SORCS3: variants seen among roughly 807,000 people sequenced by gnomAD.
SORCS3 encodes the protein VPS10 domain-containing receptor SorCS3.
Under a neutral mutation model 146.3 loss-of-function variants are expected in SORCS3, and 57 were observed. The ratio of observed to expected loss-of-function variants is 0.39; its 90% confidence interval spans 0.31 to 0.49. The LOEUF is 0.49. Ranked by LOEUF, SORCS3 falls within the 20% of genes least tolerant of loss-of-function variation. The pLI is 0.92. For missense variants in SORCS3, 1,341 were observed against 1,575.5 expected (o/e 0.85, Z 2.52); for synonymous variants, 653 against 618.5 (o/e 1.06, Z -0.83).
chr10:105,007,715 C>A (rs1029309008), intron 4 of SORCS3, among the ~76,000 whole-genome samples: 1 of 151,892 alleles, frequency 6.6e-6, no homozygotes, highest in African/African-American at 2.4e-5. Context: ...ATTGTCATGT[C>A]TTGAAATAGG....
At chr10:105,059,574 G>T (rs2133716816) in intron 5 of SORCS3, among the ~76,000 whole-genome samples, 1 of 152,270 alleles carries the variant, frequency 6.6e-6, no homozygotes, top group South Asian at 2.1e-4. Flanking sequence ...AGGACGGTAG[G>T]TAGGGGTTGT....
chr10:104,648,399 G>A (rs1007412936), intron 1 of SORCS3, among the ~76,000 whole-genome samples: 1 of 152,052 alleles, frequency 6.6e-6, no homozygotes, highest in Non-Finnish European at 1.5e-5. Flanking sequence ...CCTTCTAAGA[G>A]GATTTGTGTG....
chr10:104,697,133 A>G (rs1057113657), intron 1 of SORCS3, among the ~76,000 whole-genome samples: 4 of 152,066 alleles, frequency 2.6e-5, no homozygotes, highest in Admixed American at 2.0e-4. Flanking sequence ...TTGTTTGACA[A>G]GTATTTTAAA....
chr10:104,980,628 T>C (rs2054926609), intron 4 of SORCS3, among the ~76,000 whole-genome samples: 1 of 152,186 alleles, frequency 6.6e-6, no homozygotes. Flanking sequence ...GGGAGATGTT[T>C]GTGGTGAGGA....
At chr10:105,086,518 A>AG (rs1236292058) in intron 5 of SORCS3, among the ~76,000 whole-genome samples, 3 of 152,210 alleles carry the variant, frequency 2.0e-5, no homozygotes, top group Non-Finnish European at 2.9e-5. Flanking sequence ...GATTTTAACT[A>AG]GGTGGAAGGA....
intron 16 of SORCS3, among the ~76,000 whole-genome samples, chr10:105,206,964 G>A (rs1489561292): frequency 6.6e-6 from 1 of 152,106 alleles, no homozygotes; most frequent in Non-Finnish European, 1.5e-5. Context: ...CTGTGATATG[G>A]CTATGAGTGG....
intron 2 of SORCS3, among the ~76,000 whole-genome samples, chr10:104,855,591 T>C (rs183119492): frequency 2.6e-5 from 4 of 152,334 alleles, no homozygotes; most frequent in Admixed American, 2.6e-4. Flanking sequence ...GTAAAATATA[T>C]TGTTTGTTTA....
chr10:105,053,973 T>C (rs1249812003), intron 5 of SORCS3, among the ~76,000 whole-genome samples: 4 of 152,090 alleles, frequency 2.6e-5, no homozygotes, highest in Non-Finnish European at 4.4e-5. Context: ...ACAACTAAAA[T>C]ACCATTTCAC....
intron 16 of SORCS3, among the ~76,000 whole-genome samples, chr10:105,209,432 T>C (rs1037914614): frequency 2.0e-5 from 3 of 152,210 alleles, no homozygotes; most frequent in African/African-American, 7.2e-5. Context: ...TGTGAACCAC[T>C]GTGCCCAGCT....
intron 1 of SORCS3, among the ~76,000 whole-genome samples, chr10:104,700,703 G>A (rs1037027894): frequency 6.6e-6 from 1 of 152,134 alleles, no homozygotes; most frequent in African/African-American, 2.4e-5. Flanking sequence ...ACCAACTGAT[G>A]CTGACTGTCA....
rs71022753 is a variant in SORCS3 at position 105,129,331 on chromosome 10, CTTTTT to C, written c.1213-10044_1213-10040del. 1.9e-3 allele frequency among the ~76,000 whole-genome samples: 194 copies of C among 104,612 alleles called. 2 individuals carry two copies. Among genetic ancestry groups the C allele is most frequent in the Middle Eastern group, 4.7e-3 (1 of 214 alleles). 68.6% of individuals were successfully genotyped at this position (104,612 alleles called of 152,430 possible). A position where few individuals can be genotyped will look rare whatever the true frequency, so the allele number is the denominator to read the frequency against. Reference sequence around the variant, plus strand: ...CTTTCTCTTTTCTTTCTTTCTTTCTCTTTTTTTTTTTTTTTTTTTTTTTTTTACAA... The same window carrying C: ...CTTTCTCTTTTCTTTCTTTCTTTCTCTTTTTTTTTTTTTTTTTTTTTACAA... On this transcript the variant is annotated intron_variant, in intron 7 of 26. Transcript: ENST00000369701.
At chr10:105,247,957 GCT>G (rs1266346927) in intron 22 of SORCS3, among the ~76,000 whole-genome samples, 1 of 152,074 alleles carries the variant, frequency 6.6e-6, no homozygotes, top group East Asian at 1.9e-4. Flanking sequence ...CACTTGTCTG[GCT>G]CTTTGTTCAC....
At chr10:105,236,855 T>C (rs2056795566) in intron 20 of SORCS3, among the ~76,000 whole-genome samples, 1 of 152,170 alleles carries the variant, frequency 6.6e-6, no homozygotes, top group Non-Finnish European at 1.5e-5. Flanking sequence ...TAATATGTAA[T>C]ATATGAACAT....
At chr10:104,782,958 G>A (rs2017392010) in intron 1 of SORCS3, among the ~76,000 whole-genome samples, 1 of 152,134 alleles carries the variant, frequency 6.6e-6, no homozygotes, top group South Asian at 2.1e-4. Context: ...TTGAGTCAAT[G>A]ATTTTTGTAG....
At position 105,258,462 on chromosome 10, in the gene SORCS3, C is replaced by A. The variant is rs182744543; in HGVS notation, c.3443+1538C>A. Among the ~76,000 whole-genome samples the A allele has an allele frequency of 1.6e-3, 249 of 152,212 alleles. 1 individual carries two copies. The highest frequency in any genetic ancestry group is 0.015 in the South Asian group (70 of 4,824). On this transcript the variant is annotated intron_variant, in intron 25 of 26. Transcript: ENST00000369701. ...GTGAGGAAGCCTGGTGGTTGCTGGG[C>A]GTGACAATCAACTAAACCAAATGTC...
At chr10:104,706,475 G>A (rs2133435333) in intron 1 of SORCS3, among the ~76,000 whole-genome samples, 1 of 152,184 alleles carries the variant, frequency 6.6e-6, no homozygotes, top group South Asian at 2.1e-4. Context: ...CCAAAGTGCT[G>A]GGATTACAGG....
intron 3 of SORCS3, among the ~76,000 whole-genome samples, chr10:104,941,761 C>T (rs908121386): frequency 8.5e-5 from 13 of 152,202 alleles, no homozygotes; most frequent in Admixed American, 7.8e-4. Flanking sequence ...ATGACTGTGG[C>T]ATTGGCTTCC....
At chr10:105,069,500 G>T (rs1015733145) in intron 5 of SORCS3, among the ~76,000 whole-genome samples, 1 of 152,172 alleles carries the variant, frequency 6.6e-6, no homozygotes, top group Non-Finnish European at 1.5e-5. Context: ...TTGCTGTAAA[G>T]ATTTCATAAG....
intron 4 of SORCS3, among the ~76,000 whole-genome samples, chr10:104,978,030 T>A (rs2054911390): frequency 6.6e-6 from 1 of 152,142 alleles, no homozygotes; most frequent in Non-Finnish European, 1.5e-5. Flanking sequence ...GTATTTCACA[T>A]TTTTAAAATG....
Sources: allele counts gnomAD v4.1 joint callset (sites outside exome capture counted in the v4.1 genomes callset), GRCh38; gene constraint gnomAD v4.1.1; transcripts MANE v1.5; gene names NCBI Gene and HGNC (gene_info 2026-07-23, HGNC 2026-07-21).